MINDY4: variants seen among roughly 807,000 people sequenced by gnomAD.
MINDY4 encodes the protein probable ubiquitin carboxyl-terminal hydrolase MINDY-4.
A neutral mutation model predicts 87.0 loss-of-function variants in MINDY4; 68 were observed. That is an observed-to-expected ratio of 0.78 (90% confidence interval 0.64 to 0.96). The LOEUF is 0.96. Among genes scored for constraint, MINDY4 ranks in the 40% least tolerant of loss-of-function variants. The pLI is 0.00. For synonymous variants in MINDY4, 379 were observed against 363.2 expected (o/e 1.04, Z -0.50); for missense variants, 919 against 928.2 (o/e 0.99, Z 0.13).
intron 5 of MINDY4, among the ~76,000 whole-genome samples, chr7:30,810,863 A>T (rs1383939217): frequency 6.6e-6 from 1 of 152,206 alleles, no homozygotes; most frequent in African/African-American, 2.4e-5. Flanking sequence ...ATAGGTGCTA[A>T]AGGAAATTTC....
At chr7:30,863,057 C>T (rs530540795) in intron 13 of MINDY4, among the ~76,000 whole-genome samples, 15 of 152,234 alleles carry the variant, frequency 9.9e-5, no homozygotes, top group African/African-American at 3.4e-4. Flanking sequence ...CCCTGAGACC[C>T]CCCTTTGGAG....
intron 5 of MINDY4, among the ~76,000 whole-genome samples, chr7:30,803,625 G>A (rs931331129): frequency 6.6e-6 from 1 of 152,022 alleles, no homozygotes; most frequent in Non-Finnish European, 1.5e-5. Flanking sequence ...TATTCTTCAG[G>A]CCTTATTACT....
chr7:30,813,253 A>AT (rs1319493212), intron 5 of MINDY4, among the ~76,000 whole-genome samples: 2 of 152,048 alleles, frequency 1.3e-5, no homozygotes, highest in Non-Finnish European at 2.9e-5. Flanking sequence ...TGCTGCTTCG[A>AT]TTTTTTCTTT....
At position 30,786,178 on chromosome 7, in the gene MINDY4, G is replaced by A. The variant is rs560733820; in HGVS notation, c.663+186G>A. On this transcript the variant is annotated intron_variant, in intron 4 of 17. Coordinates refer to ENST00000265299, the MANE Select transcript of MINDY4 (RefSeq NM_032222.3). Reference sequence around the variant, plus strand: ...TACTGTCAATGACACGTGGGGCCTTGAGCAGGCCTCCTTTCCTGCCCTTAG... The same window carrying A: ...TACTGTCAATGACACGTGGGGCCTTAAGCAGGCCTCCTTTCCTGCCCTTAG... 4 of 733,998 alleles carry A rather than the reference G, an allele frequency of 5.4e-6. No homozygotes were observed. The South Asian group carries it at 5.8e-5, about 11-fold the overall frequency. 45.5% of individuals were successfully genotyped at this position (733,998 alleles called of 1,614,324 possible). A position where few individuals can be genotyped will look rare whatever the true frequency, so the allele number is the denominator to read the frequency against.
At chr7:30,809,253 C>T (rs368986863) in intron 5 of MINDY4, among the ~76,000 whole-genome samples, 6 of 151,960 alleles carry the variant, frequency 3.9e-5, no homozygotes, top group African/African-American at 9.7e-5. Context: ...CAGTAACCTG[C>T]GGATGGCCCA....
Position 30,839,234 on chromosome 7 carries a change from G to T in MINDY4, c.1274G>T (p.Cys425Phe), listed in dbSNP as rs748179451. The change falls in exon 8 of 18, where the codon TGC becomes TTC. Residue 425 changes from cysteine to phenylalanine, a missense_variant. Cys to Phe is a radical substitution (Grantham distance 205, BLOSUM62 -2). Transcript: ENST00000265299. ...IKTLLFGSSF[C>F]CFNEEWKLQS... The stretch of plus-strand genomic sequence containing the variant: ...ACCCTTCTGTTTGGTTCCAGCTTTT[G>T]CTGTTTCAATGAAGAATGGAAACTT... 2 of 1,611,048 alleles carry T rather than the reference G, an allele frequency of 1.2e-6. No individual in the cohort carries two copies. The highest frequency in any genetic ancestry group is 3.4e-5 in the Admixed American group (2 of 59,456).
chr7:30,880,992 G>A (rs1403015767), intron 15 of MINDY4, among the ~76,000 whole-genome samples: 1 of 152,170 alleles, frequency 6.6e-6, no homozygotes, highest in African/African-American at 2.4e-5. Flanking sequence ...CCTGTAAAGG[G>A]TTCTGGAAAA....
At chr7:30,804,021 G>C (rs1265635907) in intron 5 of MINDY4, among the ~76,000 whole-genome samples, 2 of 152,336 alleles carry the variant, frequency 1.3e-5, no homozygotes, top group South Asian at 4.1e-4. Flanking sequence ...GGAGTACTGG[G>C]TGTATGCCTT....
At chr7:30,799,814 C>T (rs1234440919) in intron 5 of MINDY4, among the ~76,000 whole-genome samples, 1 of 152,112 alleles carries the variant, frequency 6.6e-6, no homozygotes, top group East Asian at 1.9e-4. Context: ...GGGGCATGCT[C>T]TCAGGAGGAA....
In MINDY4 at chr7:30,839,302, A is replaced by G; in HGVS notation, c.1342A>G (p.Ile448Val). Residue 448 changes from isoleucine (I) to valine (V), a missense_variant, in exon 8 of 18, where the codon ATA becomes GTA. Coordinates refer to ENST00000265299, the MANE Select transcript of MINDY4 (RefSeq NM_032222.3). ...TAACACAGCCTCATTAAAATACGGC[A>G]TAGTGCAGAACAAGGCAGGTTGCTC... The part of the protein sequence containing the change: ...FSNTASLKYG[I>V]VQNKGGPCGV... 1 of 1,606,288 alleles carries G rather than the reference A, an allele frequency of 6.2e-7. No individual in the cohort carries two copies.
intron 13 of MINDY4, among the ~76,000 whole-genome samples, chr7:30,870,616 C>T (rs1358704573): frequency 6.6e-6 from 1 of 152,208 alleles, no homozygotes; most frequent in Non-Finnish European, 1.5e-5. Context: ...AAACCACAAG[C>T]AAGTGTTTTC....
intron 17 of MINDY4, 69 bp from the exon 18 acceptor site, chr7:30,891,888 A>C: frequency 1.1e-5 from 17 of 1,502,212 alleles, no homozygotes; most frequent in Non-Finnish European, 1.6e-5. Context: ...AGTGGAGGCA[A>C]GAGATGGGCT....
chr7:30,886,850 A>G (rs1343633782), intron 17 of MINDY4, among the ~76,000 whole-genome samples: 1 of 151,782 alleles, frequency 6.6e-6, no homozygotes, highest in Non-Finnish European at 1.5e-5. Context: ...GCCCCCTCCC[A>G]CTGTTATACT....
Position 30,882,933 on chromosome 7 carries a change from C to T in MINDY4, c.2165C>T (p.Thr722Ile). Residue 722 changes from threonine to isoleucine, a missense_variant, in exon 17 of 18, where the codon ACC becomes ATC. By Grantham distance (89) the Thr-to-Ile change is moderately conservative (BLOSUM62 -1). Coordinates refer to ENST00000265299, the MANE Select transcript of MINDY4 (RefSeq NM_032222.3). ...TCCTCCTTCCCAGACACCACCCAAA[C>T]CATCTCTGAGGACACAGACAACGAC... ...QIRLTIDTTQ[T>I]ISEDTDNDLV... 1 of 1,613,994 alleles carries T rather than the reference C, an allele frequency of 6.2e-7. No homozygotes were observed. Among genetic ancestry groups the T allele is most frequent in the South Asian group, 1.1e-5 (1 of 91,054 alleles).
intron 1 of MINDY4, 77 bp from the exon 2 acceptor site, chr7:30,778,355 A>G: frequency 6.3e-7 from 1 of 1,578,202 alleles, no homozygotes; most frequent in Non-Finnish European, 8.7e-7. Flanking sequence ...AACATCAGGA[A>G]TCGTTTGCTT....
intron 5 of MINDY4, among the ~76,000 whole-genome samples, chr7:30,800,183 CCTT>C (rs1342854584): frequency 2.6e-5 from 4 of 152,176 alleles, no homozygotes; most frequent in African/African-American, 9.7e-5. Flanking sequence ...TCTCATGGCT[CCTT>C]CTGCATTCAC....
intron 6 of MINDY4, among the ~76,000 whole-genome samples, chr7:30,834,998 GTCT>G (rs1562547343): frequency 6.6e-6 from 1 of 152,134 alleles, no homozygotes; most frequent in African/African-American, 2.4e-5. Flanking sequence ...ACATTTTCCT[GTCT>G]TCTTCTGAGC....
chr7:30,791,996 T>C (rs1425295789), intron 5 of MINDY4, among the ~76,000 whole-genome samples: 1 of 152,208 alleles, frequency 6.6e-6, no homozygotes, highest in Non-Finnish European at 1.5e-5. Flanking sequence ...ACAAGCTTGC[T>C]TTAGCAGATG....
chr7:30,892,305 C>T lies in MINDY4; in HGVS notation c.*300C>T. 3 of 399,574 alleles carry T rather than the reference C, an allele frequency of 7.5e-6. No homozygotes were observed. The highest frequency in any genetic ancestry group is 6.1e-5 in the African/African-American group (3 of 49,538). 24.8% of individuals were successfully genotyped at this position (399,574 alleles called of 1,614,324 possible). A position where few individuals can be genotyped will look rare whatever the true frequency, so the allele number is the denominator to read the frequency against. ...CTCCCTTGCTCCCTGCTGGGTGGTCCCTCACCCAGGCCTCCAATGTGGTTG... is the reference window on the plus strand; with the variant it reads ...CTCCCTTGCTCCCTGCTGGGTGGTCTCTCACCCAGGCCTCCAATGTGGTTG... On this transcript the variant is annotated 3_prime_UTR_variant, in exon 18 of 18. Transcript: ENST00000265299.
Sources: gnomAD v4.1 joint callset for allele counts (sites outside exome capture counted in the v4.1 genomes callset) on GRCh38, gnomAD v4.1.1 for gene constraint, MANE v1.5 for transcripts, NCBI Gene and HGNC (gene_info 2026-07-23, HGNC 2026-07-21) for gene names.